Variants in PGM5 observed in about 807,000 individuals in gnomAD.
PGM5 encodes phosphoglucomutase 5.
Under a neutral mutation model 59.2 loss-of-function variants are expected in PGM5, and 23 were observed. That is an observed-to-expected ratio of 0.39 (90% CI 0.28 to 0.55). The LOEUF is 0.55. Among genes scored for constraint, PGM5 ranks in the 20% least tolerant of loss-of-function variants. The probability of loss-of-function intolerance (pLI) is 0.66; values close to 1 mark genes in which losing one functional copy is unlikely to be tolerated. For missense variants in PGM5, 574 were observed against 748.3 expected (o/e 0.77, Z 2.72); for synonymous variants, 214 against 286.0 (o/e 0.75, Z 2.54).
intron 10 of PGM5, among the ~76,000 whole-genome samples, chr9:68,507,331 G>A (rs1192373096): frequency 6.6e-6 from 1 of 152,160 alleles, no homozygotes; most frequent in Non-Finnish European, 1.5e-5. Context: ...ATGACCAGCT[G>A]TTCTCCATAA....
intron 1 of PGM5, among the ~76,000 whole-genome samples, chr9:68,373,312 G>A (rs1295478604): frequency 2.6e-5 from 4 of 151,494 alleles, no homozygotes; most frequent in African/African-American, 9.7e-5. Flanking sequence ...TGGTATTGAT[G>A]GGTTAATGAG....
chr9:68,438,909 A>G (rs1019580219), intron 6 of PGM5, among the ~76,000 whole-genome samples: 2 of 152,024 alleles, frequency 1.3e-5, no homozygotes, highest in Admixed American at 6.6e-5. Context: ...TCTCTGTGCC[A>G]TAGCTCCCAA....
At chr9:68,452,077 C>G (rs1823705562) in intron 6 of PGM5, among the ~76,000 whole-genome samples, 1 of 152,206 alleles carries the variant, frequency 6.6e-6, no homozygotes, top group Non-Finnish European at 1.5e-5. Context: ...GAGAGGTATT[C>G]CTCCTGCTCC....
chr9:68,451,924 A>G (rs1252504145), intron 6 of PGM5, among the ~76,000 whole-genome samples: 1 of 152,258 alleles, frequency 6.6e-6, no homozygotes, highest in African/African-American at 2.4e-5. Flanking sequence ...ACAGCGCTTC[A>G]GCAGATGGCA....
intron 9 of PGM5, among the ~76,000 whole-genome samples, chr9:68,490,505 C>T (rs999084566): frequency 2.6e-5 from 4 of 152,192 alleles, no homozygotes; most frequent in African/African-American, 4.8e-5. Context: ...CAGGCATGCG[C>T]CACCATACCC....
At chr9:68,443,978 A>G (rs1823570997) in intron 6 of PGM5, among the ~76,000 whole-genome samples, 2 of 151,720 alleles carry the variant, frequency 1.3e-5, no homozygotes, top group South Asian at 4.2e-4. Context: ...TTGTGCAGAT[A>G]TGGTGGAGCC....
chr9:68,368,113 C>T (rs1342334879), intron 1 of PGM5, among the ~76,000 whole-genome samples: 4 of 151,728 alleles, frequency 2.6e-5, no homozygotes, highest in Non-Finnish European at 5.9e-5. Flanking sequence ...GTGCATATAG[C>T]CCCCCCATAA....
rs1554687404 is a variant in PGM5 at position 68,484,552 on chromosome 9, AC to A, written c.1479+505del. 7.8e-4 allele frequency among the ~76,000 whole-genome samples: 117 copies of A among 149,402 alleles called. 1 individual carries two copies. The highest frequency in any genetic ancestry group is 3.2e-3 in the Middle Eastern group (1 of 312). On this transcript the variant is annotated intron_variant, in intron 9 of 10. Coordinates refer to ENST00000396396, the MANE Select transcript of PGM5 (RefSeq NM_021965.4). ...GAGACCATGTCTCAAACACACACACACACACACACACACACACACACACACA... is the reference window on the plus strand; with the variant it reads ...GAGACCATGTCTCAAACACACACACAACACACACACACACACACACACACA...
At chr9:68,375,764 A>G (rs1554677560) in intron 1 of PGM5, among the ~76,000 whole-genome samples, 1 of 152,240 alleles carries the variant, frequency 6.6e-6, no homozygotes, top group Admixed American at 6.5e-5. Flanking sequence ...ATAGGAAACA[A>G]TAGAAAAGTT....
chr9:68,477,230 G>C (rs1824122711), intron 7 of PGM5, among the ~76,000 whole-genome samples: 1 of 152,194 alleles, frequency 6.6e-6, no homozygotes, highest in Non-Finnish European at 1.5e-5. Context: ...GCCATTAGCA[G>C]ACCGTTGATC....
At chr9:68,413,055 C>T (rs1822960740) in intron 6 of PGM5, among the ~76,000 whole-genome samples, 1 of 152,192 alleles carries the variant, frequency 6.6e-6, no homozygotes, top group Admixed American at 6.5e-5. Flanking sequence ...CAAGGCAGGG[C>T]TTGGCCCGAA....
At position 68,499,345 on chromosome 9, in the gene PGM5, A is replaced by G. The variant is rs1554688434; in HGVS notation, c.1598A>G (p.His533Arg). The G allele has an allele frequency of 1.2e-6, 2 of 1,614,064 alleles. No homozygotes were observed. The highest frequency in any genetic ancestry group is 2.2e-5 in the South Asian group (2 of 91,068). ...AGCTACGAGAGGGATCCCAGCGGCCATGACCAGGAGCCACAGGTACAGAAA... is the reference window on the plus strand; with the variant it reads ...AGCTACGAGAGGGATCCCAGCGGCCGTGACCAGGAGCCACAGGTACAGAAA... ...AESYERDPSGHDQEPQAVLSP... is the reference protein window; with the variant it reads ...AESYERDPSGRDQEPQAVLSP... The change falls in exon 10 of 11, where the codon CAT becomes CGT. Residue 533 changes from histidine to arginine, a missense_variant. Physicochemically the swap from His to Arg is conservative, Grantham distance 29 (BLOSUM62 0). This residue lies in a region of PGM5 where 300 missense variants were observed against 280.0 expected (regional missense o/e 1.07). Coordinates refer to ENST00000396396, the MANE Select transcript of PGM5 (RefSeq NM_021965.4).
At chr9:68,393,324 T>C (rs1380860216) in intron 6 of PGM5, among the ~76,000 whole-genome samples, 1 of 150,268 alleles carries the variant, frequency 6.7e-6, no homozygotes, top group Non-Finnish European at 1.5e-5. Flanking sequence ...ATAATTAAAA[T>C]ACATAATATA....
In PGM5 at chr9:68,494,158, T is replaced by C. The variant is rs1485676826; in HGVS notation, c.1480-5069T>C. On this transcript the variant is annotated intron_variant, in intron 9 of 10. Transcript: ENST00000396396. ...TGGATATTCCGGCTACTCTAGCTGC[T>C]GTGGCTAGTGAGATATCATGAATTC... is the stretch of plus-strand genomic sequence containing the variant. Among the ~76,000 whole-genome samples the C allele has an allele frequency of 2.0e-5, 3 of 152,188 alleles. No homozygotes were observed. In the East Asian group the frequency reaches 5.8e-4, roughly 29 times the overall value.
chr9:68,416,013 T>C (rs1426204064), intron 6 of PGM5, among the ~76,000 whole-genome samples: 7 of 151,894 alleles, frequency 4.6e-5, no homozygotes, highest in African/African-American at 1.7e-4. Flanking sequence ...TCCAGTTCAG[T>C]TGTGGCCTGG....
intron 6 of PGM5, among the ~76,000 whole-genome samples, chr9:68,448,364 G>C (rs1823646387): frequency 6.6e-6 from 1 of 152,132 alleles, no homozygotes; most frequent in Non-Finnish European, 1.5e-5. Context: ...ACTTAGGGAA[G>C]GCTGCGTGTA....
intron 6 of PGM5, among the ~76,000 whole-genome samples, chr9:68,464,828 A>C (rs1310822956): frequency 6.6e-5 from 10 of 152,242 alleles, no homozygotes; most frequent in African/African-American, 2.4e-4. Flanking sequence ...AAAAATGTAT[A>C]GAAGTGAAAC....
chr9:68,369,325 C>T (rs1351838795), intron 1 of PGM5, among the ~76,000 whole-genome samples: 6 of 152,136 alleles, frequency 3.9e-5, no homozygotes, highest in South Asian at 2.1e-4. Context: ...TCTTTCCCAT[C>T]GAACACCAAA....
chr9:68,528,201 G>A (rs1011565203), intron 10 of PGM5, among the ~76,000 whole-genome samples: 1 of 151,846 alleles, frequency 6.6e-6, no homozygotes, highest in Admixed American at 6.6e-5. Flanking sequence ...TTTTCTATCA[G>A]TATCTCTATA....
Sources: allele counts gnomAD v4.1 joint callset (sites outside exome capture counted in the v4.1 genomes callset), GRCh38; gene constraint gnomAD v4.1.1; regional missense constraint gnomAD v4.1.1; transcripts MANE v1.5; gene names NCBI Gene and HGNC (gene_info 2026-07-23, HGNC 2026-07-21).